The following SHISAL1 variants were observed in gnomAD, a reference collection of about 807,000 sequenced individuals.
SHISAL1 encodes the protein protein shisa-like-1.
A neutral mutation model predicts 22.6 loss-of-function variants in SHISAL1; 9 were observed. The observed-to-expected ratio is 0.40, with a 90% CI of 0.24 to 0.70. SHISAL1 has a LOEUF of 0.70. Among genes scored for constraint, SHISAL1 ranks in the 30% least tolerant of loss-of-function variants. SHISAL1 has a pLI of 0.39. For missense variants in SHISAL1, 246 were observed against 270.6 expected (o/e 0.91, Z 0.64); for synonymous variants, 119 against 115.4 (o/e 1.03, Z -0.20).
At chr22:44,253,420 A>G (rs1235169798) in intron 4 of SHISAL1, among the ~76,000 whole-genome samples, 2 of 130,986 alleles carry the variant, frequency 1.5e-5, no homozygotes, top group African/African-American at 6.0e-5. Flanking sequence ...TGCTAGTATT[A>G]GTGCATGTTT....
chr22:44,282,423 C>T (rs564841652), intron 4 of SHISAL1, among the ~76,000 whole-genome samples: 1 of 152,244 alleles, frequency 6.6e-6, no homozygotes, highest in Non-Finnish European at 1.5e-5. Context: ...CTCTGTCCCC[C>T]CTGCGGTGGT....
intron 2 of SHISAL1, among the ~76,000 whole-genome samples, chr22:44,298,862 C>T (rs1014969103): frequency 6.6e-6 from 1 of 152,208 alleles, no homozygotes; most frequent in African/African-American, 2.4e-5. Context: ...GGGCGGTCAG[C>T]GCCATGGGCT....
At chr22:44,283,603 G>T (rs1295705556) in intron 4 of SHISAL1, among the ~76,000 whole-genome samples, 2 of 152,246 alleles carry the variant, frequency 1.3e-5, no homozygotes, top group Admixed American at 1.3e-4. Flanking sequence ...GCACCCAGGT[G>T]CTGAGTGCAG....
chr22:44,266,398 G>A (rs920097133), intron 4 of SHISAL1, among the ~76,000 whole-genome samples: 2 of 148,178 alleles, frequency 1.3e-5, no homozygotes, highest in Admixed American at 6.6e-5. Context: ...TGTGTTTGTC[G>A]GAGGGCTTGT....
chr22:44,246,103 G>C lies in SHISAL1; in HGVS notation c.*3582C>G, dbSNP rs1394197785. 6.6e-6 allele frequency: 1 copy of C among 152,286 alleles called. No homozygotes were observed. The highest frequency in any genetic ancestry group is 1.5e-5 in the Non-Finnish European group (1 of 68,084). The allele number at this position is 152,286 out of a possible 1,614,324, so 9.4% of individuals were successfully genotyped here. A position where few individuals can be genotyped will look rare whatever the true frequency, so the allele number is the denominator to read the frequency against. On this transcript the variant is annotated 3_prime_UTR_variant, in exon 5 of 5. Coordinates refer to ENST00000381176, the MANE Select transcript of SHISAL1 (RefSeq NM_001099294.2). ...TGGAGCAGCCAGGTGAGGCGGGTGAGAAGGCTGCTTCTCTAGGTGCAGGGC... is the reference window on the plus strand; with the variant it reads ...TGGAGCAGCCAGGTGAGGCGGGTGACAAGGCTGCTTCTCTAGGTGCAGGGC...
intron 4 of SHISAL1, among the ~76,000 whole-genome samples, chr22:44,263,514 C>G (rs111546121): frequency 6.6e-6 from 1 of 152,222 alleles, no homozygotes; most frequent in African/African-American, 2.4e-5. Flanking sequence ...CCAAGGAACA[C>G]TGCCTCAACA....
intron 3 of SHISAL1, among the ~76,000 whole-genome samples, chr22:44,293,850 A>T (rs1388541620): frequency 6.6e-6 from 1 of 151,962 alleles, no homozygotes; most frequent in Non-Finnish European, 1.5e-5. Flanking sequence ...GATCCTCGAT[A>T]CTCCCATTCT....
rs368687548 is a variant in SHISAL1 at position 44,285,553 on chromosome 22, C to T, written c.474G>A (p.Pro158=). ...RWGNPARAPR[P]GQRAPQPQPP... is the part of the protein sequence containing the mutation. ...GCTGCGGCTGTGGGGCCCGCTGACC[C>T]GGCCGAGGGGCCCGAGCGGGGTTCC... The change falls in exon 4 of 5, where the codon CCG becomes CCA. Residue 158 remains proline (P), a synonymous_variant. Coordinates refer to ENST00000381176, the MANE Select transcript of SHISAL1 (RefSeq NM_001099294.2). 45 of 1,538,264 alleles carry T rather than the reference C, an allele frequency of 2.9e-5. No homozygotes were observed. The highest frequency in any genetic ancestry group is 1.5e-4 in the African/African-American group (11 of 74,240).
Position 44,248,010 on chromosome 22 carries a change from CTG to C in SHISAL1, c.*1673_*1674del, listed in dbSNP as rs1569204435. 1 of 152,370 alleles carries C rather than the reference CTG, an allele frequency of 6.6e-6. No individual in the cohort carries two copies. Among genetic ancestry groups the C allele is most frequent in the East Asian group, 1.9e-4 (1 of 5,166 alleles). The allele number at this position is 152,370 out of a possible 1,614,324, so 9.4% of individuals were successfully genotyped here. A position where few individuals can be genotyped will look rare whatever the true frequency, so the allele number is the denominator to read the frequency against. On this transcript the variant is annotated 3_prime_UTR_variant, in exon 5 of 5. Transcript: ENST00000381176. ...TATCTTTAACGCCCATTACTGGCTC[CTG>C]TGTGTCATTCAAATCTGGGCTTCAA... is the stretch of plus-strand genomic sequence containing the variant.
intron 2 of SHISAL1, among the ~76,000 whole-genome samples, chr22:44,297,439 G>T (rs1255126598): frequency 1.3e-5 from 2 of 152,352 alleles, no homozygotes; most frequent in Non-Finnish European, 2.9e-5. Flanking sequence ...TGGCCCGGGT[G>T]GTGGCTGGCA....
In SHISAL1 at chr22:44,248,094, C is replaced by G. The variant is rs751838202; in HGVS notation, c.*1591G>C. On this transcript the variant is annotated 3_prime_UTR_variant, in exon 5 of 5. Coordinates refer to ENST00000381176, the MANE Select transcript of SHISAL1 (RefSeq NM_001099294.2). ...CCCAGGTCCACAAGGGTCTCACTCA[C>G]GTGTCCCTCGAACTGAGTTCCTGGC... 1 of 152,308 alleles carries G rather than the reference C, an allele frequency of 6.6e-6. No individual in the cohort carries two copies. The highest frequency in any genetic ancestry group is 1.5e-5 in the Non-Finnish European group (1 of 68,098). 9.4% of individuals were successfully genotyped at this position (152,308 alleles called of 1,614,324 possible).
chr22:44,302,066 C>T (rs2055433638), intron 1 of SHISAL1, among the ~76,000 whole-genome samples: 2 of 152,130 alleles, frequency 1.3e-5, no homozygotes, highest in African/African-American at 2.4e-5. Flanking sequence ...TACAGTGGCC[C>T]ACACCACCCA....
intron 3 of SHISAL1, among the ~76,000 whole-genome samples, chr22:44,286,217 T>C (rs549243862): frequency 2.4e-4 from 36 of 152,182 alleles, no homozygotes; most frequent in Admixed American, 1.5e-3. Context: ...ACGGAGGTCC[T>C]CCCCATCCTG....
At chr22:44,323,053 CCAT>C in the SHISAL1 span, among the ~76,000 whole-genome samples, 3 of 147,740 alleles carry the variant, frequency 2.0e-5, no homozygotes, top group African/African-American at 5.0e-5. Flanking sequence ...ATCCATCCAT[CCAT>C]CCACCCACCT....
Position 44,310,870 on chromosome 22 carries a change from T to G in SHISAL1, c.-33+1881A>C, listed in dbSNP as rs1296058809. On this transcript the variant is annotated intron_variant, in intron 1 of 4. Transcript: ENST00000381176. This position sits in a 1 kb window ranked among gnomAD's most constrained non-coding sequence, Gnocchi z 4.0. Reference sequence around the variant, plus strand: ...CAAGCTCTTCAAGGGTGGGAAATTTTGTGCCTCTGCATCGCCCCACCATGC... The same window carrying G: ...CAAGCTCTTCAAGGGTGGGAAATTTGGTGCCTCTGCATCGCCCCACCATGC... Among the ~76,000 whole-genome samples the G allele has an allele frequency of 2.0e-5, 3 of 152,154 alleles. No homozygotes were observed. The highest frequency in any genetic ancestry group is 2.9e-5 in the Non-Finnish European group (2 of 68,014).
chr22:44,297,286 G>T (rs1467851001), intron 2 of SHISAL1, among the ~76,000 whole-genome samples: 1 of 152,218 alleles, frequency 6.6e-6, no homozygotes, highest in Non-Finnish European at 1.5e-5. Context: ...AGAGACCTAA[G>T]GTGACTTGCC....
rs910906962 is a variant in SHISAL1, at chr22:44,310,420, C to T, written c.-33+2331G>A. Among the ~76,000 whole-genome samples the T allele has an allele frequency of 4.6e-5, 7 of 152,160 alleles. No homozygotes were observed. The highest frequency in any genetic ancestry group is 7.2e-5 in the African/African-American group (3 of 41,444). Reference sequence around the variant, plus strand: ...TCGACTCCAGACAGGGTGCTGGGGGCGACCACATAGGCTTTGCAGCGAGTC... The same window carrying T: ...TCGACTCCAGACAGGGTGCTGGGGGTGACCACATAGGCTTTGCAGCGAGTC... On this transcript the variant is annotated intron_variant, in intron 1 of 4. Transcript: ENST00000381176. The surrounding 1 kb of genome is among the most constrained non-coding windows in gnomAD (Gnocchi z 4.0).
At chr22:44,328,071 A>T in the SHISAL1 span, among the ~76,000 whole-genome samples, 1 of 152,164 alleles carries the variant, frequency 6.6e-6, no homozygotes, top group Non-Finnish European at 1.5e-5. Flanking sequence ...AATAGAGGCA[A>T]AGCATCCCTA....
At chr22:44,300,118 C>CAGACACAG (rs1569223949) in intron 2 of SHISAL1, among the ~76,000 whole-genome samples, 1 of 142,780 alleles carries the variant, frequency 7.0e-6, no homozygotes, top group African/African-American at 3.0e-5. Flanking sequence ...GACAGAGAGA[C>CAGACACAG]AGAGACAGAG....
Sources: allele counts gnomAD v4.1 joint callset (sites outside exome capture counted in the v4.1 genomes callset), GRCh38; gene constraint gnomAD v4.1.1; non-coding constraint Gnocchi (gnomAD v3.1); transcripts MANE v1.5; gene names NCBI Gene and HGNC (gene_info 2026-07-23, HGNC 2026-07-21).